IL1RAPL1: variants seen among roughly 807,000 people sequenced by gnomAD.
IL1RAPL1 encodes the protein interleukin-1 receptor accessory protein-like 1.
Under a neutral mutation model 48.4 loss-of-function variants are expected in IL1RAPL1, and 3 were observed. That is an observed-to-expected ratio of 0.06 (90% CI 0.03 to 0.16). The LOEUF (loss-of-function observed/expected upper bound fraction) is 0.16. Ranked by LOEUF, IL1RAPL1 falls within the 10% of genes least tolerant of loss-of-function variation. The probability of loss-of-function intolerance (pLI) is 1.00; values close to 1 mark genes in which losing one functional copy is unlikely to be tolerated. For synonymous variants in IL1RAPL1, 185 were observed against 187.7 expected (o/e 0.99, Z 0.12); for missense variants, 349 against 530.6 (o/e 0.66, Z 3.36).
chrX:29,641,171 AAAATAAAC>A (rs753953536), intron 5 of IL1RAPL1, among the ~76,000 whole-genome samples: 1,997 of 95,239 alleles, frequency 0.021, 55 homozygotes, highest in African/African-American at 0.089. Context: ...ACCCTGTCTC[AAAATAAAC>A]AAACAAACAA....
chrX:29,829,809 C>G (rs983334215), intron 6 of IL1RAPL1, among the ~76,000 whole-genome samples: 3 of 111,878 alleles, frequency 2.7e-5, no homozygotes, highest in Non-Finnish European at 5.6e-5. Flanking sequence ...ACTGCTTAAT[C>G]TGAGAATAAC....
intron 5 of IL1RAPL1, among the ~76,000 whole-genome samples, chrX:29,611,899 G>A (rs1177709551): frequency 1.8e-5 from 2 of 110,951 alleles, no homozygotes; most frequent in East Asian, 2.8e-4. Context: ...CTCTTGGACC[G>A]TCCCCGGCCT....
At chrX:28,836,336 T>TTATATATATATATATATA (rs34343530) in intron 2 of IL1RAPL1, among the ~76,000 whole-genome samples, 2 of 85,315 alleles carry the variant, frequency 2.3e-5, no homozygotes, top group African/African-American at 9.4e-5. Context: ...CTTCCCAATT[T>TTATATATATATATATATA]TATATATATA....
At position 29,917,508 on chromosome X, in the gene IL1RAPL1, G is replaced by A. The variant is rs777978404; in HGVS notation, c.823G>A (p.Gly275Arg). Residue 275 changes from glycine to arginine, a missense_variant, in exon 7 of 11, where the codon GGA becomes AGA. This residue lies in a region of IL1RAPL1 where 238 missense variants were observed against 337.8 expected (regional missense o/e 0.70). Coordinates refer to ENST00000378993, the MANE Select transcript of IL1RAPL1 (RefSeq NM_014271.4). ...LTCRAFFGYS[G>R]DVSPLIYWMK... is the part of the protein sequence containing the mutation. ...CTGCAGAGCTTTCTTTGGGTACAGC[G>A]GAGATGTCAGTCCTTTAATTTACTG... 32 of 1,201,974 alleles carry A rather than the reference G, an allele frequency of 2.7e-5. No individual in the cohort carries two copies. The Middle Eastern group carries it at 6.9e-4, about 26-fold the overall frequency.
At chrX:28,918,793 A>G (rs1192073708) in intron 2 of IL1RAPL1, among the ~76,000 whole-genome samples, 2 of 111,667 alleles carry the variant, frequency 1.8e-5, no homozygotes, top group Non-Finnish European at 3.8e-5. Context: ...AACACAGCAG[A>G]GGGAAGCCTA....
chrX:29,638,897 G>C (rs1473861700), intron 5 of IL1RAPL1, among the ~76,000 whole-genome samples: 1 of 112,370 alleles, frequency 8.9e-6, no homozygotes, highest in African/African-American at 3.2e-5. Context: ...TTTAAGAACA[G>C]GTTTTAAGGC....
intron 6 of IL1RAPL1, among the ~76,000 whole-genome samples, chrX:29,875,803 A>G (rs1488785787): frequency 1.8e-5 from 2 of 112,316 alleles, no homozygotes; most frequent in African/African-American, 6.5e-5. Context: ...AGCAGATAGT[A>G]TGAATATGAG....
intron 1 of IL1RAPL1, among the ~76,000 whole-genome samples, chrX:28,777,240 G>T (rs1288858761): frequency 2.7e-5 from 3 of 110,629 alleles, no homozygotes; most frequent in Non-Finnish European, 1.9e-5. Context: ...ATCATCATAT[G>T]GCCTTCTCTC....
intron 5 of IL1RAPL1, among the ~76,000 whole-genome samples, chrX:29,518,487 A>G (rs1569329198): frequency 9.0e-6 from 1 of 110,832 alleles, no homozygotes; most frequent in African/African-American, 3.3e-5. Context: ...CTGCACTTTA[A>G]AATATGATGA....
intron 3 of IL1RAPL1, among the ~76,000 whole-genome samples, chrX:29,373,024 A>G (rs1014441495): frequency 9.0e-6 from 1 of 111,057 alleles, no homozygotes; most frequent in Non-Finnish European, 1.9e-5. Context: ...CAGTATGGCT[A>G]CTTTAACAAT....
intron 2 of IL1RAPL1, among the ~76,000 whole-genome samples, chrX:28,809,844 T>A (rs1013899940): frequency 5.5e-5 from 6 of 108,590 alleles, no homozygotes; most frequent in Non-Finnish European, 9.6e-5. Flanking sequence ...TAGCAACAGA[T>A]GACAGTTACC....
At chrX:29,447,703 A>G (rs1443293477) in intron 5 of IL1RAPL1, among the ~76,000 whole-genome samples, 1 of 112,410 alleles carries the variant, frequency 8.9e-6, no homozygotes, top group African/African-American at 3.2e-5. Flanking sequence ...ATTTTATTCA[A>G]AGAATATCCT....
intron 2 of IL1RAPL1, among the ~76,000 whole-genome samples, chrX:29,030,979 A>G (rs1392369270): frequency 2.7e-5 from 3 of 111,623 alleles, no homozygotes; most frequent in Non-Finnish European, 5.7e-5. Context: ...GAGTTTTTAA[A>G]ATGTGTTTAA....
chrX:29,943,133 A>G (rs568043184), intron 9 of IL1RAPL1, among the ~76,000 whole-genome samples: 5 of 111,678 alleles, frequency 4.5e-5, no homozygotes, highest in African/African-American at 1.3e-4. Flanking sequence ...TCTCCTTCCC[A>G]TTAGGGTGAA....
At chrX:29,831,303 C>T (rs1930869499) in intron 6 of IL1RAPL1, among the ~76,000 whole-genome samples, 1 of 110,990 alleles carries the variant, frequency 9.0e-6, no homozygotes, top group African/African-American at 3.3e-5. Flanking sequence ...CAATTAAGTC[C>T]CCCCATGGAA....
At position 28,873,658 on chromosome X, in the gene IL1RAPL1, A is replaced by ATG. The variant is rs1281028103; in HGVS notation, c.82+84233_82+84234insTG. On this transcript the variant is annotated intron_variant, in intron 2 of 10. Transcript: ENST00000378993. ...GCCATTCTCCTGCCTCAGCCTCCCA[A>ATG]GTAGCTGGGACTACAGGAGCCCGCC... 6.7e-4 allele frequency among the ~76,000 whole-genome samples: 71 copies of ATG among 106,208 alleles called. 1 individual carries two copies. The East Asian group carries it at 0.018, about 26-fold the overall frequency. 92.2% of individuals were successfully genotyped at this position (106,208 alleles called of 115,157 possible). A position where few individuals can be genotyped will look rare whatever the true frequency, so the allele number is the denominator to read the frequency against.
At chrX:28,847,520 A>G (rs1418650282) in intron 2 of IL1RAPL1, among the ~76,000 whole-genome samples, 1 of 111,353 alleles carries the variant, frequency 9.0e-6, no homozygotes, top group Non-Finnish European at 1.9e-5. Flanking sequence ...CAAGGTTCTC[A>G]TGCATAAACA....
At chrX:28,997,350 T>C (rs974583295) in intron 2 of IL1RAPL1, among the ~76,000 whole-genome samples, 4 of 111,845 alleles carry the variant, frequency 3.6e-5, no homozygotes, top group Non-Finnish European at 5.6e-5. Flanking sequence ...CATATGGATA[T>C]GCTTATTAGT....
chrX:29,381,975 TAAATC>T (rs1175873933), intron 3 of IL1RAPL1, among the ~76,000 whole-genome samples: 2 of 108,143 alleles, frequency 1.8e-5, no homozygotes. Context: ...TGATTCCAAA[TAAATC>T]CATATTAGTA....
Sources: allele counts gnomAD v4.1 joint callset (sites outside exome capture counted in the v4.1 genomes callset), GRCh38; gene constraint gnomAD v4.1.1; regional missense constraint gnomAD v4.1.1; transcripts MANE v1.5; gene names NCBI Gene and HGNC (gene_info 2026-07-23, HGNC 2026-07-21).